Variants in PXDN observed in about 807,000 individuals in gnomAD.
PXDN encodes peroxidasin homolog.
PXDN carries 77 observed loss-of-function variants against 140.3 expected under a neutral mutation model. The observed-to-expected ratio is 0.55, with a 90% CI of 0.46 to 0.66. The LOEUF is 0.66. Ranked by LOEUF, PXDN falls within the 30% of genes least tolerant of loss-of-function variation. The pLI is 0.00. For synonymous variants in PXDN, 911 were observed against 857.4 expected (o/e 1.06, Z -1.09); for missense variants, 1,838 against 2,039.5 (o/e 0.90, Z 1.90).
At position 1,648,952 on chromosome 2, in the gene PXDN, C is replaced by T. The variant is rs779860789; in HGVS notation, c.2828G>A (p.Arg943Gln). 9.3e-6 allele frequency: 15 copies of T among 1,604,848 alleles called. No individual in the cohort carries two copies. In the Admixed American group the frequency reaches 1.3e-4, roughly 14 times the overall value. ...RGLLRQGIVQRSGKPLLPFAT... is the reference protein window; with the variant it reads ...RGLLRQGIVQQSGKPLLPFAT... The stretch of plus-strand genomic sequence containing the variant: ...GAAGGGGAGCAGCGGCTTCCCGGAC[C>T]GCTGCACGATGCCCTGCCGCAGCAG... The change falls in exon 17 of 23, where the codon CGG becomes CAG. Residue 943 changes from arginine to glutamine, a missense_variant. By Grantham distance (43) the Arg-to-Gln change is conservative. Around this residue, in one of 5 missense-constraint regions of PXDN, gnomAD observed 850 missense variants for 894.1 expected, o/e 0.95. Transcript: ENST00000252804. The surrounding 1 kb of genome is among the most constrained non-coding windows in gnomAD (Gnocchi z 8.9).
At chr2:1,663,208 T>A (rs1403433224) in intron 12 of PXDN, among the ~76,000 whole-genome samples, 1 of 152,148 alleles carries the variant, frequency 6.6e-6, no homozygotes, top group Non-Finnish European at 1.5e-5. Context: ...TGATACATCA[T>A]CTGGGGTCTG....
intron 1 of PXDN, among the ~76,000 whole-genome samples, chr2:1,702,694 T>C (rs1398255875): frequency 1.3e-5 from 2 of 151,940 alleles, no homozygotes; most frequent in African/African-American, 4.8e-5. Context: ...ACTGGCGTGA[T>C]CTCGGTTCAC....
intron 14 of PXDN, among the ~76,000 whole-genome samples, chr2:1,658,987 C>T (rs534353546): frequency 6.6e-6 from 1 of 152,340 alleles, no homozygotes; most frequent in South Asian, 2.1e-4. Context: ...TTACTCATCT[C>T]TCCACCAGGA....
rs1489110959 is a variant in PXDN, at chr2:1,653,745, A to G, written c.1987T>C (p.Tyr663His). The G allele has an allele frequency of 6.3e-7, 1 of 1,593,306 alleles. No homozygotes were observed. Among genetic ancestry groups the G allele is most frequent in the African/African-American group, 1.3e-5 (1 of 74,556 alleles). ...SPNDLLALFR[Y>H]PRDPYTVEQA... ...TCAACTGTGTAAGGATCCCTCGGAT[A>G]CCGGAACAAGGCCAGCAAATCATTT... The change falls in exon 16 of 23, where the codon TAT becomes CAT. Residue 663 changes from tyrosine (Y) to histidine (H), a missense_variant. Transcript: ENST00000252804.
At position 1,651,833 on chromosome 2, in the gene PXDN, G is replaced by C. The variant is rs1683021075; in HGVS notation, c.2104+1795C>G. On this transcript the variant is annotated intron_variant, in intron 16 of 22. Transcript: ENST00000252804. The surrounding 1 kb of genome is among the most constrained non-coding windows in gnomAD (Gnocchi z 4.4). Reference sequence around the variant, plus strand: ...TTCTTATGTGCAGGGGCCTCTCTCTGGTTTTCCATCTGCATTTCTCTGGAA... The same window carrying C: ...TTCTTATGTGCAGGGGCCTCTCTCTCGTTTTCCATCTGCATTTCTCTGGAA... Among the ~76,000 whole-genome samples, 1 of 152,204 alleles carries C rather than the reference G, an allele frequency of 6.6e-6. No individual in the cohort carries two copies. The highest frequency in any genetic ancestry group is 1.5e-5 in the Non-Finnish European group (1 of 68,036).
In PXDN at chr2:1,687,379, G is replaced by A. The variant is rs1323122802; in HGVS notation, c.416+253C>T. On this transcript the variant is annotated intron_variant, in intron 4 of 22. Transcript: ENST00000252804. This position sits in a 1 kb window ranked among gnomAD's most constrained non-coding sequence, Gnocchi z 4.0. ...CTTGGTGTCAGGAAAGCATGGCCCA[G>A]GGCCTGGTGCCGCCGTAAGGAAACC... Among the ~76,000 whole-genome samples, 1 of 152,186 alleles carries A rather than the reference G, an allele frequency of 6.6e-6. No homozygotes were observed. Among genetic ancestry groups the A allele is most frequent in the African/African-American group, 2.4e-5 (1 of 41,454 alleles).
At chr2:1,653,572 G>T (rs113913425) in intron 16 of PXDN, 56 bp downstream of exon 16, 1 of 1,590,194 alleles carries the variant, frequency 6.3e-7, no homozygotes, top group Non-Finnish European at 8.6e-7. Flanking sequence ...TAACTGAGGC[G>T]TGTTCAACCC....
rs764065351 is a variant in PXDN, at chr2:1,744,248, GC to G, written c.200+7del. ...CCCCGCGCCCCCGGCGTCCCCCGCG[GC>G]ACTCACAGGATGGAGGTCTGCGGCG... On this transcript the variant is annotated splice_region_variant and intron_variant, in intron 1 of 22. Coordinates refer to ENST00000252804, the MANE Select transcript of PXDN (RefSeq NM_012293.3). 3.4e-6 allele frequency: 5 copies of G among 1,485,598 alleles called. No individual in the cohort carries two copies. In the South Asian group the frequency reaches 6.3e-5, roughly 19 times the overall value. 92.0% of individuals were successfully genotyped at this position (1,485,598 alleles called of 1,614,324 possible). A position where few individuals can be genotyped will look rare whatever the true frequency, so the allele number is the denominator to read the frequency against.
At chr2:1,683,044 C>T (rs895487943) in intron 6 of PXDN, among the ~76,000 whole-genome samples, 26 of 151,866 alleles carry the variant, frequency 1.7e-4, no homozygotes, top group African/African-American at 5.3e-4. Flanking sequence ...GTAAAATATG[C>T]GCTGGAATTA....
intron 17 of PXDN, among the ~76,000 whole-genome samples, chr2:1,645,675 T>A (rs1682835658): frequency 6.6e-6 from 1 of 152,244 alleles, no homozygotes; most frequent in African/African-American, 2.4e-5. Context: ...CTAAGTTCAA[T>A]GACATTCAGG....
At chr2:1,673,577 G>A in intron 9 of PXDN, 66 bp downstream of exon 9, 8 of 1,530,344 alleles carry the variant, frequency 5.2e-6, no homozygotes, top group Non-Finnish European at 7.1e-6. Flanking sequence ...GCAAGGAAAG[G>A]AGAAGGCAGA....
chr2:1,692,494 A>C (rs1684205334), intron 2 of PXDN: 3 of 471,438 alleles, frequency 6.4e-6, no homozygotes, highest in Non-Finnish European at 1.3e-5. Context: ...TAGGCGGCCC[A>C]GACAGTCCCA....
chr2:1,640,238 A>G (rs1682692710), intron 19 of PXDN, among the ~76,000 whole-genome samples: 1 of 152,234 alleles, frequency 6.6e-6, no homozygotes, highest in Non-Finnish European at 1.5e-5. Context: ...CTAACGAAGT[A>G]ATGGGGTGTT....
chr2:1,738,380 G>A (rs557702322), intron 1 of PXDN, among the ~76,000 whole-genome samples: 17 of 152,232 alleles, frequency 1.1e-4, no homozygotes, highest in African/African-American at 4.1e-4. Context: ...TCCCAGCCCT[G>A]AGTTCCCCTC....
chr2:1,655,706 C>T (rs566471682), intron 14 of PXDN, among the ~76,000 whole-genome samples: 1 of 126,750 alleles, frequency 7.9e-6, no homozygotes, highest in East Asian at 2.8e-4. Flanking sequence ...CTGACTGAAA[C>T]CTGCCCCCTC....
chr2:1,642,753 C>T lies in PXDN; in HGVS notation c.3952+615G>A, dbSNP rs528510263. ...CTCAGCCAGGAGAACCATCGCCTCA[C>T]ACAGCAGGCCACTGACGCCTCTGCA... On this transcript the variant is annotated intron_variant, in intron 19 of 22. Transcript: ENST00000252804. 1.6e-4 allele frequency among the ~76,000 whole-genome samples: 24 copies of T among 152,362 alleles called. No individual in the cohort carries two copies. In the South Asian group the frequency reaches 2.7e-3, roughly 17 times the overall value.
rs760867837 is a variant in PXDN, at chr2:1,663,632, C to T, written c.1540G>A (p.Val514Met). 11 of 1,613,890 alleles carry T rather than the reference C, an allele frequency of 6.8e-6. No homozygotes were observed. The East Asian group carries it at 8.9e-5, about 13-fold the overall frequency. ...AVNIIGSQKV[V>M]AHLTVQPRVT... ...CTGGGCTGCACAGTCAGGTGGGCCA[C>T]GACCTTCTGGGAGCCGATGATGTTG... The change falls in exon 12 of 23, where the codon GTG becomes ATG. Residue 514 changes from valine to methionine, a missense_variant. Physicochemically the swap from Val to Met is conservative, Grantham distance 21. Around this residue, in one of 5 missense-constraint regions of PXDN, gnomAD observed 537 missense variants for 583.9 expected, o/e 0.92. Coordinates refer to ENST00000252804, the MANE Select transcript of PXDN (RefSeq NM_012293.3).
chr2:1,653,230 T>A (rs1445964327), intron 16 of PXDN: 1 of 334,222 alleles, frequency 3.0e-6, no homozygotes, highest in African/African-American at 2.1e-5. Context: ...ACAACCCTCC[T>A]AATACGCGTG....
intron 9 of PXDN, among the ~76,000 whole-genome samples, chr2:1,670,814 C>G (rs574807610): frequency 2.0e-5 from 3 of 152,296 alleles, no homozygotes; most frequent in Non-Finnish European, 4.4e-5. Context: ...CAGTGCTGTG[C>G]CCTCGGCATG....
Sources: allele counts gnomAD v4.1 joint callset (sites outside exome capture counted in the v4.1 genomes callset), GRCh38; gene constraint gnomAD v4.1.1; regional missense constraint gnomAD v4.1.1; non-coding constraint Gnocchi (gnomAD v3.1); transcripts MANE v1.5; gene names NCBI Gene and HGNC (gene_info 2026-07-23, HGNC 2026-07-21).